The following PTPRJ variants were observed in gnomAD, a reference collection of about 807,000 sequenced individuals.
PTPRJ encodes the protein protein tyrosine phosphatase receptor type J.
A neutral mutation model predicts 141.3 loss-of-function variants in PTPRJ; 129 were observed. The ratio of observed to expected loss-of-function variants is 0.91; its 90% CI spans 0.79 to 1.06. PTPRJ has a LOEUF of 1.06. Among genes scored for constraint, PTPRJ ranks in the 50% least tolerant of loss-of-function variants. PTPRJ has a pLI of 0.00. For synonymous variants in PTPRJ, 610 were observed against 640.5 expected, an observed-to-expected ratio of 0.95 and a Z score of 0.72; for missense variants, 1,601 against 1,679.7, an observed-to-expected ratio of 0.95 and a Z score of 0.82.
chr11:48,118,104 G>A (rs998003224), intron 3 of PTPRJ, among the ~76,000 whole-genome samples: 2 of 152,164 alleles, frequency 1.3e-5, no homozygotes, highest in Admixed American at 1.3e-4. Flanking sequence ...TATTCTAAGA[G>A]ACAGTGACTC....
chr11:48,062,524 C>CA (rs1440620748), intron 1 of PTPRJ, among the ~76,000 whole-genome samples: 45 of 151,144 alleles, frequency 3.0e-4, no homozygotes, highest in East Asian at 1.2e-3. Flanking sequence ...AAAAAAAAAC[C>CA]AAAAAAAACA....
chr11:48,109,723 CGCACAGTG>C (rs1217851873), intron 1 of PTPRJ, among the ~76,000 whole-genome samples: 1 of 145,754 alleles, frequency 6.9e-6, no homozygotes, highest in Non-Finnish European at 1.5e-5. Flanking sequence ...TTCAGCTCAT[CGCACAGTG>C]GGTGGAGGGA....
At position 48,130,555 on chromosome 11, in the gene PTPRJ, A is replaced by C. The variant is rs747128432; in HGVS notation, c.1454A>C (p.His485Pro). ...CATGATGCAGAATCATTTCAGATGC[A>C]TATCACACAGGAGGGAGCTGGCAAT... ...SSHDAESFQM[H>P]ITQEGAGNSR... Residue 485 changes from histidine (H) to proline (P), a missense_variant, in exon 8 of 25, where the codon CAT (histidine) becomes CCT (proline). Transcript: ENST00000418331. 1 of 1,614,160 alleles carries C rather than the reference A, an allele frequency of 6.2e-7. No homozygotes were observed. The highest frequency in any genetic ancestry group is 1.1e-5 in the South Asian group (1 of 91,080).
intron 1 of PTPRJ, among the ~76,000 whole-genome samples, chr11:48,076,649 C>A (rs1855412327): frequency 1.3e-5 from 2 of 152,162 alleles, no homozygotes; most frequent in African/African-American, 4.8e-5. Context: ...GAATTGGCAT[C>A]AATGGAAGAC....
Position 48,031,948 on chromosome 11 carries a change from C to T in PTPRJ, c.96+50940C>T, listed in dbSNP as rs139422527. Among the ~76,000 whole-genome samples, 60 of 152,286 alleles carry T rather than the reference C, an allele frequency of 3.9e-4. 2 individuals carry two copies. The East Asian group carries it at 9.6e-3, about 24-fold the overall frequency. On this transcript the variant is annotated intron_variant, in intron 1 of 24. Coordinates refer to ENST00000418331, the MANE Select transcript of PTPRJ (RefSeq NM_002843.4). ...TATTTTGCTTATGCACCCTCCCCAC[C>T]CCCGTCAACGTTAGAGCTTAGCATC...
At chr11:48,034,170 A>G (rs1447085343) in intron 1 of PTPRJ, among the ~76,000 whole-genome samples, 1 of 152,164 alleles carries the variant, frequency 6.6e-6, no homozygotes, top group Non-Finnish European at 1.5e-5. Context: ...TGCACTGACC[A>G]TCTCCTCGAG....
rs192952006 is a variant in PTPRJ at position 48,156,541 on chromosome 11, G to A, written c.3438+422G>A. On this transcript the variant is annotated intron_variant, in intron 21 of 24. Transcript: ENST00000418331. ...TCAGCTCCATGATTTTCAAATTTAGGTTGAGCACTGAACCCCTCCTGCCTC... is the reference window on the plus strand; with the variant it reads ...TCAGCTCCATGATTTTCAAATTTAGATTGAGCACTGAACCCCTCCTGCCTC... Among the ~76,000 whole-genome samples the A allele has an allele frequency of 6.1e-5, 9 of 148,112 alleles. No homozygotes were observed. The East Asian group carries it at 1.4e-3, about 23-fold the overall frequency.
intron 22 of PTPRJ, among the ~76,000 whole-genome samples, chr11:48,161,233 A>G (rs1012022422): frequency 2.0e-5 from 3 of 151,244 alleles, no homozygotes; most frequent in African/African-American, 7.3e-5. Context: ...TATAATTACC[A>G]TGGGGACATG....
At chr11:47,991,961 CA>C (rs760256246) in intron 1 of PTPRJ, among the ~76,000 whole-genome samples, 10 of 152,196 alleles carry the variant, frequency 6.6e-5, no homozygotes, top group Non-Finnish European at 1.3e-4. Context: ...ATTTACAATT[CA>C]AAAATTAAAT....
chr11:48,063,575 G>T lies in PTPRJ; in HGVS notation c.97-46483G>T, dbSNP rs934811155. ...ATGGGCAGTGTCCCAACAGGCTGCT[G>T]GGGGGTGGCCGTTTGTGATGGCCTC... is the stretch of plus-strand genomic sequence containing the variant. On this transcript the variant is annotated intron_variant, in intron 1 of 24. Coordinates refer to ENST00000418331, the MANE Select transcript of PTPRJ (RefSeq NM_002843.4). Among the ~76,000 whole-genome samples, 3 of 152,058 alleles carry T rather than the reference G, an allele frequency of 2.0e-5. No individual in the cohort carries two copies. In the South Asian group the frequency reaches 6.2e-4, roughly 31 times the overall value.
chr11:48,121,667 A>G (rs1229265808), intron 4 of PTPRJ, among the ~76,000 whole-genome samples: 2 of 152,170 alleles, frequency 1.3e-5, no homozygotes, highest in Admixed American at 6.5e-5. Context: ...GGTGTATTTT[A>G]TAGGGGAGTG....
At chr11:48,084,105 G>A (rs1265997735) in intron 1 of PTPRJ, among the ~76,000 whole-genome samples, 2 of 152,148 alleles carry the variant, frequency 1.3e-5, no homozygotes, top group African/African-American at 2.4e-5. Flanking sequence ...GAGATGCTGC[G>A]TTGGTGTAAA....
intron 8 of PTPRJ, chr11:48,131,366 C>T (rs746247812): frequency 1.0e-4 from 62 of 591,814 alleles, no homozygotes; most frequent in African/African-American, 1.7e-4. Flanking sequence ...TACAGGTGTG[C>T]GCCACTGCAC....
chr11:48,142,992 AT>A lies in PTPRJ; in HGVS notation c.2520del (p.Phe840LeufsTer28). On this transcript the variant is annotated frameshift_variant, in exon 12 of 25. Coordinates refer to ENST00000418331, the MANE Select transcript of PTPRJ (RefSeq NM_002843.4). LOFTEE classifies it high-confidence loss of function. ...HNSVKVKFSG[F>X]EASHGPIKAY... is the part of the protein sequence containing the mutation. ...ATTCAGTAAAGGTCAAGTTCAGTGG[AT>A]TTGAAGCCAGCCACGGACCCATCAA... The A allele has an allele frequency of 6.2e-7, 1 of 1,614,158 alleles. No homozygotes were observed. The highest frequency in any genetic ancestry group is 8.5e-7 in the Non-Finnish European group (1 of 1,180,018).
intron 1 of PTPRJ, among the ~76,000 whole-genome samples, chr11:47,996,384 T>C (rs1197143602): frequency 6.6e-6 from 1 of 151,486 alleles, no homozygotes; most frequent in Admixed American, 6.6e-5. Context: ...GCATGGGCTT[T>C]GGTGTCAGCA....
At chr11:48,148,201 G>A (rs1029096949) in intron 15 of PTPRJ, among the ~76,000 whole-genome samples, 1 of 152,114 alleles carries the variant, frequency 6.6e-6, no homozygotes, top group Non-Finnish European at 1.5e-5. Context: ...GGATAAAACA[G>A]TTTTATTGTT....
At chr11:48,036,073 A>AT (rs1854117405) in intron 1 of PTPRJ, among the ~76,000 whole-genome samples, 1 of 152,192 alleles carries the variant, frequency 6.6e-6, no homozygotes, top group Admixed American at 6.5e-5. Flanking sequence ...TAGCATGAAG[A>AT]TTGAAGTCTT....
intron 1 of PTPRJ, chr11:48,015,806 A>G (rs1470507731): frequency 6.7e-6 from 1 of 148,464 alleles, no homozygotes; most frequent in African/African-American, 2.5e-5. Context: ...GTGAGCCAAG[A>G]TCATGCCACT....
intron 1 of PTPRJ, among the ~76,000 whole-genome samples, chr11:48,047,695 G>A (rs1006653654): frequency 1.3e-5 from 2 of 152,052 alleles, no homozygotes; most frequent in Non-Finnish European, 1.5e-5. Context: ...GGTAGAGACA[G>A]GGTTTTGCCA....
Sources: allele counts gnomAD v4.1 joint callset (sites outside exome capture counted in the v4.1 genomes callset), GRCh38; gene constraint gnomAD v4.1.1; transcripts MANE v1.5; gene names NCBI Gene and HGNC (gene_info 2026-07-23, HGNC 2026-07-21).